Variants in FAR2 observed in about 807,000 individuals in gnomAD.
The protein encoded by FAR2 is epididymis secretory protein Li 81.
A neutral mutation model predicts 56.0 loss-of-function variants in FAR2; 19 were observed. The observed-to-expected ratio is 0.34, with a 90% confidence interval of 0.24 to 0.50. The LOEUF is 0.50. Among genes scored for constraint, FAR2 ranks in the 20% least tolerant of loss-of-function variants. FAR2 has a pLI of 0.98. For synonymous variants in FAR2, 219 were observed against 218.8 expected (o/e 1.00, Z -0.01); for missense variants, 508 against 642.2 (o/e 0.79, Z 2.26).
intron 1 of FAR2, among the ~76,000 whole-genome samples, chr12:29,266,115 A>G (rs1223525155): frequency 6.6e-6 from 1 of 152,132 alleles, no homozygotes; most frequent in African/African-American, 2.4e-5. Context: ...GAGGTTCCTC[A>G]AAAAACAAAA....
intron 1 of FAR2, among the ~76,000 whole-genome samples, chr12:29,245,080 A>T (rs1948104757): frequency 6.6e-6 from 1 of 151,788 alleles, no homozygotes; most frequent in Non-Finnish European, 1.5e-5. Flanking sequence ...TCCCGGGTTC[A>T]AGCGATTTTC....
intron 1 of FAR2, among the ~76,000 whole-genome samples, chr12:29,243,535 GT>G (rs1299381005): frequency 6.6e-6 from 1 of 152,154 alleles, no homozygotes; most frequent in African/African-American, 2.4e-5. Flanking sequence ...CTCATCAAGT[GT>G]TTGAAACCAC....
intron 1 of FAR2, among the ~76,000 whole-genome samples, chr12:29,221,376 C>T (rs1947688384): frequency 6.6e-6 from 1 of 152,174 alleles, no homozygotes; most frequent in Non-Finnish European, 1.5e-5. Context: ...TTTTCCCACC[C>T]TGCTCTTGCC....
At chr12:29,324,116 A>T (rs1315220205) in intron 10 of FAR2, among the ~76,000 whole-genome samples, 1 of 152,206 alleles carries the variant, frequency 6.6e-6, no homozygotes, top group African/African-American at 2.4e-5. Flanking sequence ...AGCCTCAGTA[A>T]CCGATGCGAT....
At chr12:29,201,158 C>G (rs972011673) in intron 1 of FAR2, among the ~76,000 whole-genome samples, 13 of 152,138 alleles carry the variant, frequency 8.5e-5, no homozygotes, top group Admixed American at 3.3e-4. Flanking sequence ...TCTCTCTCCT[C>G]CTGTTTTGAA....
At chr12:29,185,656 A>G (rs1950034357) in intron 1 of FAR2, among the ~76,000 whole-genome samples, 1 of 152,236 alleles carries the variant, frequency 6.6e-6, no homozygotes, top group African/African-American at 2.4e-5. Flanking sequence ...AGCAGTGGAA[A>G]GAATCTTTGC....
intron 1 of FAR2, among the ~76,000 whole-genome samples, chr12:29,242,658 C>G (rs897089774): frequency 3.3e-5 from 5 of 152,210 alleles, no homozygotes; most frequent in Non-Finnish European, 7.3e-5. Flanking sequence ...TTGCATTTGT[C>G]TGCAAAACCA....
At chr12:29,260,246 C>T (rs559473542) in intron 1 of FAR2, among the ~76,000 whole-genome samples, 149 of 152,108 alleles carry the variant, frequency 9.8e-4, no homozygotes, top group Admixed American at 8.5e-3. Flanking sequence ...TTTTCTGCAA[C>T]GAGGAATCAA....
rs71042981 is a variant in FAR2 at position 29,299,213 on chromosome 12, C to CAAAAAAAAAA, written c.545+2026_545+2035dup. Reference sequence around the variant, plus strand: ...GGTCAACAAGAGCAAAACTTTGTCTCAAAAAAAAAAAAAAAAAAAAAAGAA... The same window carrying CAAAAAAAAAA: ...GGTCAACAAGAGCAAAACTTTGTCTCAAAAAAAAAAAAAAAAAAAAAAAAAAAAAAAAGAA... On this transcript the variant is annotated intron_variant, in intron 4 of 11. Coordinates refer to ENST00000536681, the MANE Select transcript of FAR2 (RefSeq NM_001271783.2). Among the ~76,000 whole-genome samples, 205 of 103,428 alleles carry CAAAAAAAAAA rather than the reference C, an allele frequency of 2.0e-3. 3 individuals carry two copies. The highest frequency in any genetic ancestry group is 6.5e-3 in the African/African-American group (169 of 25,842). 67.9% of individuals were successfully genotyped at this position (103,428 alleles called of 152,430 possible).
chr12:29,303,555 G>C (rs1949209805), intron 4 of FAR2, among the ~76,000 whole-genome samples: 1 of 152,134 alleles, frequency 6.6e-6, no homozygotes, highest in Admixed American at 6.5e-5. Context: ...TGCACTGAGG[G>C]TGCAGGTGTG....
intron 10 of FAR2, among the ~76,000 whole-genome samples, chr12:29,328,851 C>T (rs1370355899): frequency 6.6e-6 from 1 of 151,668 alleles, no homozygotes; most frequent in Non-Finnish European, 1.5e-5. Flanking sequence ...ATGTAACAAG[C>T]CTGCACGTTA....
intron 1 of FAR2, among the ~76,000 whole-genome samples, chr12:29,183,451 G>T (rs963391526): frequency 6.6e-6 from 1 of 152,056 alleles, no homozygotes; most frequent in Non-Finnish European, 1.5e-5. Flanking sequence ...AGCCCAATTC[G>T]AACTCAAGAT....
At position 29,153,708 on chromosome 12, in the gene FAR2, G is replaced by A. The variant is rs571060815; in HGVS notation, c.-39+4301G>A. On this transcript the variant is annotated intron_variant, in intron 1 of 11. Transcript: ENST00000536681. ...AGACCAGGGAGGACAGAGCGCAGGT[G>A]AGAGTACTGTCAGGGAGGAGGGAGA... Among the ~76,000 whole-genome samples the A allele has an allele frequency of 3.3e-5, 5 of 152,294 alleles. 1 individual carries two copies. Among genetic ancestry groups the A allele is most frequent in the African/African-American group, 1.2e-4 (5 of 41,558 alleles).
intron 1 of FAR2, among the ~76,000 whole-genome samples, chr12:29,217,267 T>C (rs12307237): frequency 0.055 from 8,418 of 152,150 alleles, 552 homozygotes; most frequent in African/African-American, 0.16. Context: ...TCAGTCCGGG[T>C]ATGGGAAGGT....
intron 1 of FAR2, among the ~76,000 whole-genome samples, chr12:29,264,269 A>G (rs1008764400): frequency 2.6e-5 from 4 of 152,192 alleles, no homozygotes; most frequent in Non-Finnish European, 5.9e-5. Flanking sequence ...GATAAAATTC[A>G]ACATCCCTTT....
intron 1 of FAR2, among the ~76,000 whole-genome samples, chr12:29,182,465 A>G (rs1283739928): frequency 6.6e-6 from 1 of 152,150 alleles, no homozygotes; most frequent in Non-Finnish European, 1.5e-5. Flanking sequence ...CTAGACACAG[A>G]GTGCTGATTG....
chr12:29,178,860 T>A (rs1044929307), intron 1 of FAR2, among the ~76,000 whole-genome samples: 4 of 152,224 alleles, frequency 2.6e-5, no homozygotes, highest in African/African-American at 9.6e-5. Flanking sequence ...AAGATACCAC[T>A]GACTGGATGG....
intron 1 of FAR2, among the ~76,000 whole-genome samples, chr12:29,223,040 C>G (rs1287236458): frequency 2.0e-5 from 3 of 152,058 alleles, no homozygotes; most frequent in Non-Finnish European, 2.9e-5. Flanking sequence ...TAGTATTTGC[C>G]AGGTACTGTC....
intron 9 of FAR2, among the ~76,000 whole-genome samples, chr12:29,318,174 T>A (rs1477501056): frequency 6.6e-6 from 1 of 152,224 alleles, no homozygotes; most frequent in Non-Finnish European, 1.5e-5. Flanking sequence ...GTGTTTGTCA[T>A]CTTTATTAGC....
Sources: allele counts gnomAD v4.1 joint callset (sites outside exome capture counted in the v4.1 genomes callset), GRCh38; gene constraint gnomAD v4.1.1; transcripts MANE v1.5; gene names NCBI Gene and HGNC (gene_info 2026-07-23, HGNC 2026-07-21).